Variants in CDH18 observed in about 807,000 individuals in gnomAD.
CDH18 encodes cadherin 18.
A neutral mutation model predicts 67.9 loss-of-function variants in CDH18; 31 were observed. The observed-to-expected ratio is 0.46, with a 90% CI of 0.34 to 0.62. The LOEUF (loss-of-function observed/expected upper bound fraction) is 0.62. CDH18 is among the 20% of genes least tolerant of loss of function. The probability of loss-of-function intolerance (pLI) is 0.01; values close to 1 mark genes in which losing one functional copy is unlikely to be tolerated. For missense variants in CDH18, 890 were observed against 975.5 expected (o/e 0.91, Z 1.17); for synonymous variants, 362 against 347.2 (o/e 1.04, Z -0.48).
chr5:19,908,927 A>G (rs1283753172), intron 2 of CDH18, among the ~76,000 whole-genome samples: 1 of 152,164 alleles, frequency 6.6e-6, no homozygotes, highest in Non-Finnish European at 1.5e-5. Context: ...AGTGCAGTGG[A>G]TAAGAGCCAA....
intron 2 of CDH18, among the ~76,000 whole-genome samples, chr5:19,893,704 G>A (rs1384018540): frequency 2.6e-5 from 4 of 152,240 alleles, no homozygotes; most frequent in Admixed American, 2.6e-4. Flanking sequence ...GAGTGGTAGA[G>A]ACTATTTAAG....
At chr5:19,861,299 T>TA (rs397816398) in intron 2 of CDH18, among the ~76,000 whole-genome samples, 12 of 149,518 alleles carry the variant, frequency 8.0e-5, no homozygotes, top group East Asian at 2.0e-4. Flanking sequence ...GGTTTTTTTT[T>TA]ATATCTGGGG....
At chr5:20,231,363 G>A (rs1375795326) in intron 2 of CDH18, among the ~76,000 whole-genome samples, 2 of 151,918 alleles carry the variant, frequency 1.3e-5, no homozygotes, top group Non-Finnish European at 1.5e-5. Context: ...TAATCCCAGC[G>A]CTTTGGGAGG....
chr5:19,789,922 ATG>A (rs1322602512), intron 3 of CDH18, among the ~76,000 whole-genome samples: 1 of 150,800 alleles, frequency 6.6e-6, no homozygotes, highest in African/African-American at 2.5e-5. Context: ...ACATAATATA[ATG>A]TGTATGTAAA....
chr5:20,401,914 C>T (rs1197600515), intron 1 of CDH18, among the ~76,000 whole-genome samples: 1 of 152,036 alleles, frequency 6.6e-6, no homozygotes, highest in African/African-American at 2.4e-5. Flanking sequence ...TCATTTGTGT[C>T]ATTTCATTGT....
At chr5:20,323,667 C>T (rs1232785136) in intron 1 of CDH18, among the ~76,000 whole-genome samples, 1 of 152,118 alleles carries the variant, frequency 6.6e-6, no homozygotes, top group African/African-American at 2.4e-5. Flanking sequence ...TTCTCAAATT[C>T]CAGTAAAAAT....
chr5:19,601,040 G>A (rs929277308), intron 6 of CDH18, among the ~76,000 whole-genome samples: 5 of 152,100 alleles, frequency 3.3e-5, no homozygotes, highest in African/African-American at 7.2e-5. Context: ...ATATTCAAAC[G>A]TGTACAGAAA....
chr5:20,112,180 G>C (rs1747534495), intron 2 of CDH18, among the ~76,000 whole-genome samples: 1 of 152,130 alleles, frequency 6.6e-6, no homozygotes, highest in South Asian at 2.1e-4. Context: ...GATTGTCAGA[G>C]CAAGAACTCA....
At chr5:19,969,857 AAAG>A (rs1016803595) in intron 2 of CDH18, among the ~76,000 whole-genome samples, 7 of 152,228 alleles carry the variant, frequency 4.6e-5, no homozygotes, top group South Asian at 2.1e-4. Context: ...TAAAATAAAA[AAAG>A]AAGGTGTCCT....
chr5:20,145,866 T>C (rs1408733452), intron 2 of CDH18, among the ~76,000 whole-genome samples: 1 of 152,192 alleles, frequency 6.6e-6, no homozygotes, highest in Non-Finnish European at 1.5e-5. Flanking sequence ...TACAATTATA[T>C]CACCCTCACA....
At chr5:19,556,536 A>T (rs1445359241) in intron 8 of CDH18, among the ~76,000 whole-genome samples, 3 of 152,116 alleles carry the variant, frequency 2.0e-5, no homozygotes, top group Non-Finnish European at 4.4e-5. Context: ...TTAGAACTTG[A>T]AGACAAGGCT....
chr5:20,177,087 TA>T (rs1737292874), intron 2 of CDH18, among the ~76,000 whole-genome samples: 1 of 152,168 alleles, frequency 6.6e-6, no homozygotes, highest in African/African-American at 2.4e-5. Flanking sequence ...GAAACATTTA[TA>T]AATTTTTTAA....
intron 1 of CDH18, among the ~76,000 whole-genome samples, chr5:20,320,073 T>C (rs1309494466): frequency 3.9e-5 from 6 of 152,196 alleles, no homozygotes; most frequent in African/African-American, 1.4e-4. Flanking sequence ...TTGTGCCATA[T>C]AAATATTGCT....
intron 7 of CDH18, among the ~76,000 whole-genome samples, chr5:19,573,712 C>G (rs1307392831): frequency 1.3e-5 from 2 of 152,274 alleles, no homozygotes; most frequent in South Asian, 4.1e-4. Context: ...TTAAATAACT[C>G]GTCCTAGAAA....
chr5:20,004,822 T>TG (rs1232920623), intron 2 of CDH18, among the ~76,000 whole-genome samples: 1 of 152,188 alleles, frequency 6.6e-6, no homozygotes, highest in Non-Finnish European at 1.5e-5. Context: ...AGAGGAATAG[T>TG]GGGTGTGTCA....
At chr5:19,645,697 A>G (rs1040966489) in intron 5 of CDH18, among the ~76,000 whole-genome samples, 2 of 152,210 alleles carry the variant, frequency 1.3e-5, no homozygotes, top group African/African-American at 4.8e-5. Flanking sequence ...GTCCTAAGGC[A>G]GAAAGGAAAC....
At chr5:19,826,683 T>C (rs1456246546) in intron 3 of CDH18, among the ~76,000 whole-genome samples, 1 of 152,158 alleles carries the variant, frequency 6.6e-6, no homozygotes, top group Non-Finnish European at 1.5e-5. Flanking sequence ...AAGCAAATGC[T>C]AAGAGAATTT....
At chr5:19,524,747 T>C (rs1335625346) in intron 9 of CDH18, among the ~76,000 whole-genome samples, 1 of 152,134 alleles carries the variant, frequency 6.6e-6, no homozygotes, top group East Asian at 1.9e-4. Flanking sequence ...TAAGTAACTC[T>C]CTGCTCTTTT....
intron 2 of CDH18, among the ~76,000 whole-genome samples, chr5:20,214,928 T>G (rs2126408106): frequency 6.6e-6 from 1 of 152,044 alleles, no homozygotes; most frequent in East Asian, 1.9e-4. Context: ...AGAGAAAATA[T>G]TTGCAAACTA....
Sources: gnomAD v4.1 joint callset for allele counts (sites outside exome capture counted in the v4.1 genomes callset) on GRCh38, gnomAD v4.1.1 for gene constraint, MANE v1.5 for transcripts, NCBI Gene and HGNC (gene_info 2026-07-23, HGNC 2026-07-21) for gene names.